Variants in SH3D19 observed in about 807,000 individuals in gnomAD.
SH3D19 encodes the protein SH3 domain-containing protein 19.
SH3D19 carries 58 observed loss-of-function variants against 112.1 expected under a neutral mutation model. That is an observed-to-expected ratio of 0.52 (90% CI 0.42 to 0.64). SH3D19 has a LOEUF of 0.64. Ranked by LOEUF, SH3D19 falls within the 30% of genes least tolerant of loss-of-function variation. The probability of loss-of-function intolerance (pLI) is 0.00; values close to 1 mark genes in which losing one functional copy is unlikely to be tolerated. For missense variants in SH3D19, 1,090 were observed against 1,263.4 expected, an observed-to-expected ratio of 0.86 and a Z score of 2.08; for synonymous variants, 391 against 448.5, an observed-to-expected ratio of 0.87 and a Z score of 1.62.
intron 1 of SH3D19, among the ~76,000 whole-genome samples, chr4:151,246,648 C>G (rs1216406171): frequency 6.6e-6 from 1 of 152,110 alleles, no homozygotes; most frequent in Non-Finnish European, 1.5e-5. Context: ...ATATACTATA[C>G]AGTTATGATC....
At position 151,223,083 on chromosome 4, in the gene SH3D19, A is replaced by G. The variant is rs545208414; in HGVS notation, c.152+2964T>C. Among the ~76,000 whole-genome samples, 217 of 142,156 alleles carry G rather than the reference A, an allele frequency of 1.5e-3. 2 individuals carry two copies. The highest frequency in any genetic ancestry group is 0.012 in the South Asian group (53 of 4,552). 93.3% of individuals were successfully genotyped at this position (142,156 alleles called of 152,430 possible). A position where few individuals can be genotyped will look rare whatever the true frequency, so the allele number is the denominator to read the frequency against. On this transcript the variant is annotated intron_variant, in intron 2 of 19. Transcript: ENST00000604030. The stretch of plus-strand genomic sequence containing the variant: ...ACTAGTGATAATATACATGTTGACT[A>G]CTTGATTTAGATGGTGACCACTAGG...
intron 1 of SH3D19, among the ~76,000 whole-genome samples, chr4:151,255,036 G>A (rs1205501123): frequency 2.7e-5 from 4 of 150,144 alleles, no homozygotes; most frequent in Non-Finnish European, 4.5e-5. Flanking sequence ...GGGCAGAGGC[G>A]CCCCTCACCT....
At chr4:151,295,853 T>G (rs1398014830) in intron 1 of SH3D19, among the ~76,000 whole-genome samples, 1 of 152,068 alleles carries the variant, frequency 6.6e-6, no homozygotes, top group Non-Finnish European at 1.5e-5. Flanking sequence ...CTGGCCAACA[T>G]GGTGAAACCC....
chr4:151,152,384 C>G (rs76659656), intron 9 of SH3D19, among the ~76,000 whole-genome samples: 1 of 152,082 alleles, frequency 6.6e-6, no homozygotes, highest in South Asian at 2.1e-4. Flanking sequence ...TTTGGACAAG[C>G]ATTTTAGTTT....
intron 2 of SH3D19, among the ~76,000 whole-genome samples, chr4:151,217,832 T>C (rs1767371805): frequency 1.3e-5 from 2 of 152,036 alleles, no homozygotes. Context: ...TATGCAGTAG[T>C]TAAAAAAATA....
intron 1 of SH3D19, among the ~76,000 whole-genome samples, chr4:151,308,401 A>G (rs1729126165): frequency 6.6e-6 from 1 of 152,172 alleles, no homozygotes; most frequent in East Asian, 1.9e-4. Context: ...CATTCTGAGA[A>G]ACCTTAAGGT....
intron 1 of SH3D19, among the ~76,000 whole-genome samples, chr4:151,310,748 T>C (rs1729372303): frequency 6.6e-6 from 1 of 151,756 alleles, no homozygotes; most frequent in African/African-American, 2.4e-5. Context: ...ATTTTTGTAT[T>C]TTTAGTAGAG....
At chr4:151,192,736 A>G (rs1040260497) in intron 2 of SH3D19, among the ~76,000 whole-genome samples, 5 of 152,210 alleles carry the variant, frequency 3.3e-5, no homozygotes, top group African/African-American at 1.2e-4. Context: ...TCCCCCATTG[A>G]AAACACAGAC....
intron 1 of SH3D19, among the ~76,000 whole-genome samples, chr4:151,246,533 C>A (rs550669174): frequency 6.6e-6 from 1 of 152,240 alleles, no homozygotes; most frequent in South Asian, 2.1e-4. Context: ...TTCTAAAAAG[C>A]TATCTCCAGG....
chr4:151,274,639 C>T (rs1773453672), intron 1 of SH3D19, among the ~76,000 whole-genome samples: 1 of 152,160 alleles, frequency 6.6e-6, no homozygotes, highest in Non-Finnish European at 1.5e-5. Context: ...TGTCATGAAT[C>T]CAGAGCTCCT....
intron 1 of SH3D19, among the ~76,000 whole-genome samples, chr4:151,287,880 C>G (rs1561433938): frequency 6.6e-6 from 1 of 152,032 alleles, no homozygotes; most frequent in African/African-American, 2.4e-5. Context: ...ACCCCTCTCT[C>G]TTTTTTTATT....
intron 1 of SH3D19, chr4:151,282,121 A>C (rs1226663302): frequency 6.2e-7 from 1 of 1,610,888 alleles, no homozygotes; most frequent in South Asian, 1.1e-5. Context: ...GCAGGCCATA[A>C]GCAGGCCTCC....
At chr4:151,160,197 C>T (rs529700184) in intron 8 of SH3D19, among the ~76,000 whole-genome samples, 1 of 152,040 alleles carries the variant, frequency 6.6e-6, no homozygotes, top group Non-Finnish European at 1.5e-5. Flanking sequence ...CGCCATTCTC[C>T]TGCCTCAGCT....
intron 1 of SH3D19, chr4:151,262,580 G>A (rs1561411249): frequency 6.6e-6 from 1 of 152,312 alleles, no homozygotes; most frequent in Non-Finnish European, 1.5e-5. Flanking sequence ...GTGAACCCAG[G>A]AGTGTCTGGA....
At chr4:151,184,855 G>A (rs1046430075) in intron 3 of SH3D19, among the ~76,000 whole-genome samples, 6 of 151,998 alleles carry the variant, frequency 3.9e-5, no homozygotes, top group Non-Finnish European at 7.4e-5. Context: ...TTGAAGTGTG[G>A]CTTCCAACTT....
chr4:151,150,793 A>G (rs1250874219), intron 9 of SH3D19, among the ~76,000 whole-genome samples: 1 of 152,132 alleles, frequency 6.6e-6, no homozygotes, highest in African/African-American at 2.4e-5. Flanking sequence ...GGAAGGGTCA[A>G]ACTGTTCCAT....
At chr4:151,279,553 C>A (rs553882859) in intron 1 of SH3D19, among the ~76,000 whole-genome samples, 2 of 152,144 alleles carry the variant, frequency 1.3e-5, no homozygotes, top group African/African-American at 4.8e-5. Context: ...GTTAATGATA[C>A]CCTATTTCTT....
chr4:151,139,936 T>TA (rs780207274), intron 12 of SH3D19, 89 bp from the exon 13 acceptor site: 3 of 1,080,028 alleles, frequency 2.8e-6, no homozygotes, highest in Non-Finnish European at 4.2e-6. Context: ...TTTTTCTCAT[T>TA]AGAGTCCTCT....
At chr4:151,160,330 G>A (rs373860997) in intron 8 of SH3D19, among the ~76,000 whole-genome samples, 1 of 151,960 alleles carries the variant, frequency 6.6e-6, no homozygotes, top group African/African-American at 2.4e-5. Context: ...CTCGTGATCC[G>A]CCCGCCTCAG....
Sources: gnomAD v4.1 joint callset for allele counts (sites outside exome capture counted in the v4.1 genomes callset) on GRCh38, gnomAD v4.1.1 for gene constraint, MANE v1.5 for transcripts, NCBI Gene and HGNC (gene_info 2026-07-23, HGNC 2026-07-21) for gene names.